ATXN1: variants seen among roughly 807,000 people sequenced by gnomAD.
The protein encoded by ATXN1 is ataxin 1.
A neutral mutation model predicts 56.4 loss-of-function variants in ATXN1; 8 were observed. The observed-to-expected ratio is 0.14, with a 90% confidence interval of 0.08 to 0.26. The LOEUF (loss-of-function observed/expected upper bound fraction) is 0.26, where lower values mean the gene tolerates loss of function less well. ATXN1 is among the 10% of genes least tolerant of loss of function. ATXN1 has a pLI of 1.00. For synonymous variants in ATXN1, 514 were observed against 494.6 expected (o/e 1.04, Z -0.52); for missense variants, 987 against 1,106.5 (o/e 0.89, Z 1.53).
intron 6 of ATXN1, among the ~76,000 whole-genome samples, chr6:16,423,374 C>G (rs950837744): frequency 2.0e-5 from 3 of 152,160 alleles, no homozygotes; most frequent in Non-Finnish European, 4.4e-5. Context: ...GTCAACCAAC[C>G]AAGCCCCCTG....
In ATXN1 at chr6:16,760,806, C is replaced by T. The variant is rs1279733825; in HGVS notation, c.-730+492G>A. 2.0e-5 allele frequency among the ~76,000 whole-genome samples: 3 copies of T among 151,396 alleles called. No homozygotes were observed. In the South Asian group the frequency reaches 6.2e-4, roughly 31 times the overall value. On this transcript the variant is annotated intron_variant, in intron 1 of 7. Transcript: ENST00000436367. The surrounding 1 kb of genome is among the most constrained non-coding windows in gnomAD (Gnocchi z 5.3). Reference sequence around the variant, plus strand: ...AGGGCGGCCGGGAAAGGGACCACCCCCCAACCCCAGCCGCCGCCTCCCCCC... The same window carrying T: ...AGGGCGGCCGGGAAAGGGACCACCCTCCAACCCCAGCCGCCGCCTCCCCCC...
At chr6:16,683,359 C>T (rs1267537424) in intron 2 of ATXN1, among the ~76,000 whole-genome samples, 1 of 152,220 alleles carries the variant, frequency 6.6e-6, no homozygotes, top group Admixed American at 6.5e-5. Flanking sequence ...CCAAAACTAA[C>T]TGTGGCTGTT....
intron 6 of ATXN1, among the ~76,000 whole-genome samples, chr6:16,379,642 G>A (rs1350988921): frequency 6.6e-6 from 1 of 152,134 alleles, no homozygotes; most frequent in Admixed American, 6.6e-5. Flanking sequence ...TACTGCACTA[G>A]GTATTAGGGA....
At chr6:16,562,459 AGGAG>A (rs1762139122) in intron 4 of ATXN1, among the ~76,000 whole-genome samples, 2 of 38,848 alleles carry the variant, frequency 5.1e-5, no homozygotes, top group Admixed American at 3.4e-4. Context: ...AGAAAAGGAG[AGGAG>A]AGGAGAGGAG....
At chr6:16,623,119 A>T (rs917055377) in intron 3 of ATXN1, among the ~76,000 whole-genome samples, 3 of 152,086 alleles carry the variant, frequency 2.0e-5, no homozygotes, top group African/African-American at 7.2e-5. Flanking sequence ...ACATTCAAGT[A>T]GTTTGGGTTT....
At chr6:16,642,741 A>G (rs1763728022) in intron 3 of ATXN1, among the ~76,000 whole-genome samples, 1 of 152,196 alleles carries the variant, frequency 6.6e-6, no homozygotes, top group South Asian at 2.1e-4. Flanking sequence ...CAACGTAAAG[A>G]CCCTTTACCA....
chr6:16,626,868 G>C (rs1763416261), intron 3 of ATXN1, among the ~76,000 whole-genome samples: 1 of 152,162 alleles, frequency 6.6e-6, no homozygotes, highest in South Asian at 2.1e-4. Flanking sequence ...GAGGACACAG[G>C]GGGAAGATGG....
intron 4 of ATXN1, among the ~76,000 whole-genome samples, chr6:16,546,641 CA>C (rs1356060116): frequency 6.6e-6 from 1 of 152,210 alleles, no homozygotes; most frequent in Non-Finnish European, 1.5e-5. Flanking sequence ...ATTGCTACTA[CA>C]AGATATAATT....
chr6:16,397,250 T>C (rs1255928435), intron 6 of ATXN1, among the ~76,000 whole-genome samples: 2 of 151,976 alleles, frequency 1.3e-5, no homozygotes, highest in African/African-American at 4.8e-5. Flanking sequence ...TAGCTAAACT[T>C]TTTGTTTTGT....
At chr6:16,530,124 A>G (rs752054596) in intron 4 of ATXN1, among the ~76,000 whole-genome samples, 7 of 152,218 alleles carry the variant, frequency 4.6e-5, no homozygotes, top group Non-Finnish European at 8.8e-5. Context: ...AAACATATAA[A>G]TATAAAAATA....
intron 7 of ATXN1, among the ~76,000 whole-genome samples, chr6:16,316,796 T>G (rs1760519634): frequency 6.6e-6 from 1 of 150,918 alleles, no homozygotes; most frequent in Non-Finnish European, 1.5e-5. Context: ...TAGTTCTGTT[T>G]GCCTTCTGTA....
At chr6:16,551,070 C>G (rs1056971591) in intron 4 of ATXN1, among the ~76,000 whole-genome samples, 2 of 152,052 alleles carry the variant, frequency 1.3e-5, no homozygotes, top group African/African-American at 4.8e-5. Flanking sequence ...AACCTAACAT[C>G]CTTGGAGACA....
intron 6 of ATXN1, among the ~76,000 whole-genome samples, chr6:16,424,575 A>G (rs760543969): frequency 6.6e-6 from 1 of 152,150 alleles, no homozygotes; most frequent in Non-Finnish European, 1.5e-5. Context: ...CAAAGTGGCC[A>G]TTTTATGGGG....
chr6:16,337,332 C>G (rs1042438578), intron 6 of ATXN1, among the ~76,000 whole-genome samples: 1 of 152,176 alleles, frequency 6.6e-6, no homozygotes, highest in African/African-American at 2.4e-5. Flanking sequence ...GGTCCCCCTG[C>G]GTGGCTCATG....
intron 6 of ATXN1, among the ~76,000 whole-genome samples, chr6:16,350,325 A>T (rs1761539277): frequency 6.6e-6 from 1 of 152,226 alleles, no homozygotes; most frequent in Non-Finnish European, 1.5e-5. Flanking sequence ...TATAATGCCT[A>T]GCATAAGAAA....
intron 7 of ATXN1, among the ~76,000 whole-genome samples, chr6:16,308,819 C>T (rs1339230180): frequency 6.6e-6 from 1 of 152,080 alleles, no homozygotes; most frequent in Non-Finnish European, 1.5e-5. Flanking sequence ...AAGGATGCAC[C>T]AGGGCTTCTC....
intron 2 of ATXN1, among the ~76,000 whole-genome samples, chr6:16,700,094 T>C (rs1348904134): frequency 6.6e-6 from 1 of 152,182 alleles, no homozygotes; most frequent in Non-Finnish European, 1.5e-5. Context: ...GACATTTTTA[T>C]GAAACACATG....
chr6:16,306,165 C>G lies in ATXN1; in HGVS notation c.*164G>C. ...GACACTCGTGGAAAAAGCATATGCA[C>G]CAGTCTCCTGCGACACACCTGCTGT... On this transcript the variant is annotated 3_prime_UTR_variant, in exon 8 of 8. Coordinates refer to ENST00000436367, the MANE Select transcript of ATXN1 (RefSeq NM_001128164.2). This position sits in a 1 kb window ranked among gnomAD's most constrained non-coding sequence, Gnocchi z 5.2. The G allele has an allele frequency of 1.1e-6, 1 of 881,734 alleles. No individual in the cohort carries two copies. The allele number at this position is 881,734 out of a possible 1,614,324, so 54.6% of individuals were successfully genotyped here. A position where few individuals can be genotyped will look rare whatever the true frequency, so the allele number is the denominator to read the frequency against.
At chr6:16,574,560 G>A (rs183295055) in intron 4 of ATXN1, among the ~76,000 whole-genome samples, 1 of 152,264 alleles carries the variant, frequency 6.6e-6, no homozygotes, top group African/African-American at 2.4e-5. Flanking sequence ...GGCCAGTCTG[G>A]TCTCGATCTC....
Sources: gnomAD v4.1 joint callset for allele counts (sites outside exome capture counted in the v4.1 genomes callset) on GRCh38, gnomAD v4.1.1 for gene constraint, Gnocchi (gnomAD v3.1) non-coding constraint, MANE v1.5 for transcripts, NCBI Gene and HGNC (gene_info 2026-07-23, HGNC 2026-07-21) for gene names.